Variants in RIMS2 observed in about 807,000 individuals in gnomAD.
RIMS2 encodes the protein regulating synaptic membrane exocytosis 2, also known as regulating synaptic membrane exocytosis protein 2.
RIMS2 carries 59 observed loss-of-function variants against 174.4 expected under a neutral mutation model. The ratio of observed to expected loss-of-function variants is 0.34; its 90% confidence interval spans 0.27 to 0.42. RIMS2 has a LOEUF of 0.42. RIMS2 is among the 10% of genes least tolerant of loss of function. The pLI is 1.00. For synonymous variants in RIMS2, 606 were observed against 572.5 expected (o/e 1.06, Z -0.84); for missense variants, 1,620 against 1,666.3 (o/e 0.97, Z 0.48).
At chr8:104,016,424 T>C (rs567043230) in intron 19 of RIMS2, among the ~76,000 whole-genome samples, 1 of 152,178 alleles carries the variant, frequency 6.6e-6, no homozygotes, top group African/African-American at 2.4e-5. Context: ...TAAGTTGTGT[T>C]CTTGTTAACT....
At chr8:103,612,309 G>A (rs1007494241) in intron 1 of RIMS2, among the ~76,000 whole-genome samples, 4 of 152,122 alleles carry the variant, frequency 2.6e-5, no homozygotes, top group Non-Finnish European at 5.9e-5. Context: ...AGCTTGTTTG[G>A]TGAGGTTATG....
At chr8:104,076,735 G>GT in intron 19 of RIMS2, among the ~76,000 whole-genome samples, 1 of 151,798 alleles carries the variant, frequency 6.6e-6, no homozygotes, top group Middle Eastern at 3.4e-3. Flanking sequence ...CCTTGGGCAA[G>GT]TTACTTAACA....
Position 104,004,587 on chromosome 8 carries a change from G to A in RIMS2, c.3045-8855G>A, listed in dbSNP as rs767321936. 4.5e-4 allele frequency among the ~76,000 whole-genome samples: 68 copies of A among 152,086 alleles called. 2 individuals carry two copies. The highest frequency in any genetic ancestry group is 2.4e-5 in the African/African-American group (1 of 41,420). Reference sequence around the variant, plus strand: ...AATGAACTTATCAAGAAAGTGTGAAGGAGAAAAATTAGATAGCATATGTGA... The same window carrying A: ...AATGAACTTATCAAGAAAGTGTGAAAGAGAAAAATTAGATAGCATATGTGA... On this transcript the variant is annotated intron_variant, in intron 17 of 23. Transcript: ENST00000504942.
intron 16 of RIMS2, among the ~76,000 whole-genome samples, chr8:103,985,465 C>A (rs71520862): frequency 1.3e-5 from 1 of 77,888 alleles, no homozygotes; most frequent in African/African-American, 5.3e-5. Context: ...CAAAGCAAGA[C>A]TCTGTCTCAA....
chr8:103,598,803 G>C (rs2094573422), intron 1 of RIMS2, among the ~76,000 whole-genome samples: 1 of 152,112 alleles, frequency 6.6e-6, no homozygotes, highest in Non-Finnish European at 1.5e-5. Flanking sequence ...AAGTAAATAG[G>C]AGATAGAGCT....
intron 17 of RIMS2, among the ~76,000 whole-genome samples, chr8:103,992,135 GTC>G (rs1478735542): frequency 6.6e-6 from 1 of 152,090 alleles, no homozygotes; most frequent in Non-Finnish European, 1.5e-5. Flanking sequence ...TTGAGACAGT[GTC>G]TCACTGGGTC....
At chr8:103,627,690 T>A (rs752784975) in intron 1 of RIMS2, among the ~76,000 whole-genome samples, 1 of 152,234 alleles carries the variant, frequency 6.6e-6, no homozygotes, top group Non-Finnish European at 1.5e-5. Flanking sequence ...ACAACAGATG[T>A]CCTTTAAGAG....
At chr8:103,578,876 C>T (rs1357687726) in intron 1 of RIMS2, among the ~76,000 whole-genome samples, 2 of 152,016 alleles carry the variant, frequency 1.3e-5, no homozygotes, top group African/African-American at 4.8e-5. Context: ...CCTGTAATCC[C>T]AGCTACTCAG....
intron 1 of RIMS2, among the ~76,000 whole-genome samples, chr8:103,598,727 A>AC (rs1233927977): frequency 3.9e-5 from 6 of 152,172 alleles, no homozygotes; most frequent in Non-Finnish European, 5.9e-5. Flanking sequence ...AGTCTTCCAA[A>AC]CCAAGAGCAT....
At chr8:103,583,900 AAC>A (rs1453632213) in intron 1 of RIMS2, among the ~76,000 whole-genome samples, 1 of 150,724 alleles carries the variant, frequency 6.6e-6, no homozygotes, top group Non-Finnish European at 1.5e-5. Flanking sequence ...GTGGGGGAAA[AAC>A]ACACACAATG....
intron 19 of RIMS2, among the ~76,000 whole-genome samples, chr8:104,060,548 G>GT (rs2096965046): frequency 6.7e-6 from 1 of 150,282 alleles, no homozygotes; most frequent in South Asian, 2.1e-4. Context: ...TTTTTGAAGG[G>GT]TTTTTTGTGT....
intron 1 of RIMS2, among the ~76,000 whole-genome samples, chr8:103,504,846 C>CTT (rs11367763): frequency 1.6e-4 from 15 of 95,088 alleles, no homozygotes; most frequent in South Asian, 3.5e-4. Flanking sequence ...TTCTTTCTTT[C>CTT]TTTTTTTTTT....
At chr8:104,082,143 A>C (rs2097431610) in intron 19 of RIMS2, among the ~76,000 whole-genome samples, 1 of 151,994 alleles carries the variant, frequency 6.6e-6, no homozygotes, top group Non-Finnish European at 1.5e-5. Context: ...TATGAATAAC[A>C]ATAAAATGAA....
intron 2 of RIMS2, among the ~76,000 whole-genome samples, chr8:103,741,910 A>G (rs577250637): frequency 3.9e-5 from 6 of 152,216 alleles, no homozygotes; most frequent in East Asian, 3.9e-4. Flanking sequence ...TGCGATTTAA[A>G]TAAGTATGTT....
chr8:104,223,250 C>T, intron 19 of RIMS2: 1 of 465,378 alleles, frequency 2.1e-6, no homozygotes, highest in Non-Finnish European at 2.9e-6. Context: ...CGAGGTGCAG[C>T]CGCGCCGCCA....
At chr8:103,769,030 G>A (rs1419023454) in intron 3 of RIMS2, 1 of 299,838 alleles carries the variant, frequency 3.3e-6, no homozygotes, top group Non-Finnish European at 6.7e-6. Context: ...TCAGAAATAA[G>A]ATTTTTTGAA....
At chr8:103,628,814 A>G (rs1432895358) in intron 1 of RIMS2, among the ~76,000 whole-genome samples, 5 of 151,994 alleles carry the variant, frequency 3.3e-5, no homozygotes, top group African/African-American at 1.2e-4. Flanking sequence ...AAGGACCAGA[A>G]AAAGGACAGC....
At chr8:104,170,465 A>G (rs1466008844) in intron 19 of RIMS2, among the ~76,000 whole-genome samples, 1 of 152,054 alleles carries the variant, frequency 6.6e-6, no homozygotes, top group Non-Finnish European at 1.5e-5. Flanking sequence ...TGTCTGATGT[A>G]AGAATAGCTA....
chr8:104,214,451 A>AT (rs963121595), intron 19 of RIMS2, among the ~76,000 whole-genome samples: 17 of 150,674 alleles, frequency 1.1e-4, no homozygotes, highest in East Asian at 2.0e-4. Flanking sequence ...TTATTGAAAG[A>AT]TTTTTTTTTT....
Sources: gnomAD v4.1 joint callset for allele counts (sites outside exome capture counted in the v4.1 genomes callset) on GRCh38, gnomAD v4.1.1 for gene constraint, MANE v1.5 for transcripts, NCBI Gene and HGNC (gene_info 2026-07-23, HGNC 2026-07-21) for gene names.